Variants in XCR1 observed in about 807,000 individuals in gnomAD.
XCR1 encodes the protein chemokine XC receptor 1.
For synonymous variants in XCR1, 187 were observed against 188.5 expected, an observed-to-expected ratio of 0.99 and a Z score of 0.06; for missense variants, 356 against 424.2, an observed-to-expected ratio of 0.84 and a Z score of 1.41.
At chr3:46,036,600 A>G (rs372214984) in intron 5 of XCR1, among the ~76,000 whole-genome samples, 1 of 152,208 alleles carries the variant, frequency 6.6e-6, no homozygotes, top group Non-Finnish European at 1.5e-5. Context: ...AAAAATAGGA[A>G]TGTCTTAAGA....
chr3:46,056,053 T>G (rs1247016856), intron 4 of XCR1, among the ~76,000 whole-genome samples: 2 of 152,100 alleles, frequency 1.3e-5, no homozygotes, highest in Non-Finnish European at 1.5e-5. Context: ...AGATTGGGCT[T>G]GGGGTTGGGA....
upstream of XCR1, among the ~76,000 whole-genome samples, chr3:46,028,149 C>G (rs1224540404): frequency 6.6e-6 from 1 of 152,082 alleles, no homozygotes; most frequent in Non-Finnish European, 1.5e-5. Context: ...CTTAATAAAT[C>G]CAACTCTGCC....
At chr3:46,023,384 C>A (rs111644913) in intron 1 of XCR1, 2 of 1,451,334 alleles carry the variant, frequency 1.4e-6, no homozygotes, top group African/African-American at 2.8e-5. Context: ...TACGAAGAGG[C>A]GATTTCTTGT....
At chr3:46,075,322 A>C (rs1226993460) in intron 2 of XCR1, among the ~76,000 whole-genome samples, 1 of 150,738 alleles carries the variant, frequency 6.6e-6, no homozygotes, top group African/African-American at 2.4e-5. Context: ...AAAAAAAAAA[A>C]AAAAAAAACA....
At position 46,036,925 on chromosome 3, in the gene XCR1, A is replaced by G. The variant is rs543288208; in HGVS notation, c.-31-14947T>C. On this transcript the variant is annotated intron_variant, in intron 5 of 5. Coordinates refer to the XCR1 transcript ENST00000683768. The stretch of plus-strand genomic sequence containing the variant: ...AAGTAATCGAGATAAACTGCCAAAA[A>G]TAAATAAAAAATGTGAGTAAGTGCT... 2.0e-3 allele frequency among the ~76,000 whole-genome samples: 304 copies of G among 152,360 alleles called. 1 individual carries two copies. Among genetic ancestry groups the G allele is most frequent in the Middle Eastern group, 0.01 (3 of 294 alleles).
intron 5 of XCR1, among the ~76,000 whole-genome samples, chr3:46,053,447 G>C (rs970220196): frequency 2.6e-5 from 4 of 151,706 alleles, no homozygotes; most frequent in Admixed American, 6.6e-5. Context: ...TGGAGGGGGC[G>C]GTATAGGCCA....
Position 46,020,759 on chromosome 3 carries a change from C to T in XCR1, c.*187G>A, listed in dbSNP as rs556831511. On this transcript the variant is annotated 3_prime_UTR_variant, in exon 2 of 2. Transcript: ENST00000309285. Reference sequence around the variant, plus strand: ...AGTATAAAATTCCCAGGTAGGAAGCCACTTTCCCGCAGATGAGAGGCTGGC... The same window carrying T: ...AGTATAAAATTCCCAGGTAGGAAGCTACTTTCCCGCAGATGAGAGGCTGGC... The T allele has an allele frequency of 6.5e-4, 514 of 787,748 alleles. 3 individuals carry two copies. Among genetic ancestry groups the T allele is most frequent in the Middle Eastern group, 3.4e-3 (9 of 2,662 alleles). The allele number at this position is 787,748 out of a possible 1,614,324, so 48.8% of individuals were successfully genotyped here.
intron 3 of XCR1, among the ~76,000 whole-genome samples, chr3:46,071,895 T>G (rs1348765809): frequency 1.3e-5 from 2 of 152,002 alleles, no homozygotes; most frequent in Admixed American, 1.3e-4. Context: ...CTCCAAGAAC[T>G]GGAACAAGTC....
At chr3:46,054,685 G>C (rs1430324462) in intron 4 of XCR1, among the ~76,000 whole-genome samples, 3 of 152,144 alleles carry the variant, frequency 2.0e-5, no homozygotes, top group Non-Finnish European at 4.4e-5. Context: ...AGGTGCTGCA[G>C]CTGAGGAGAT....
At chr3:46,022,127 CCT>C (rs1186513345) in intron 1 of XCR1, 149 bp from the exon 2 acceptor site, 5 of 642,604 alleles carry the variant, frequency 7.8e-6, no homozygotes, top group Non-Finnish European at 1.3e-5. Flanking sequence ...TAGTGACACC[CCT>C]GTCTCTACAA....
Position 46,017,221 on chromosome 3 carries a change from G to A in XCR1, c.*3725C>T, listed in dbSNP as rs576667571. On this transcript the variant is annotated 3_prime_UTR_variant, in exon 2 of 2. Coordinates refer to ENST00000309285, the MANE Select transcript of XCR1 (RefSeq NM_001024644.2). ...CTTGAGAGGCCCAAGGTCACAGTGG[G>A]AAAGAGCTTGGATTTGGAGTTTAGG... The A allele has an allele frequency of 3.3e-5, 5 of 152,340 alleles. No homozygotes were observed. In the South Asian group the frequency reaches 1.0e-3, roughly 32 times the overall value. 9.4% of individuals were successfully genotyped at this position (152,340 alleles called of 1,614,324 possible).
At chr3:46,024,583 G>T (rs1708250343) in intron 1 of XCR1, among the ~76,000 whole-genome samples, 1 of 152,142 alleles carries the variant, frequency 6.6e-6, no homozygotes, top group Non-Finnish European at 1.5e-5. Context: ...CCGAGGGGCT[G>T]CCTTGTATTT....
At chr3:46,052,425 C>T (rs558578408) in intron 5 of XCR1, among the ~76,000 whole-genome samples, 2 of 152,290 alleles carry the variant, frequency 1.3e-5, no homozygotes, top group Admixed American at 1.3e-4. Context: ...ACTGATTAGC[C>T]CAGTGATTTC....
intron 5 of XCR1, among the ~76,000 whole-genome samples, chr3:46,049,262 A>G (rs922994341): frequency 2.6e-5 from 4 of 152,210 alleles, no homozygotes; most frequent in African/African-American, 7.2e-5. Context: ...GGCAAGTAGG[A>G]CAGGTTTGTG....
At chr3:46,038,776 T>C (rs1206346725) in intron 5 of XCR1, among the ~76,000 whole-genome samples, 2 of 152,200 alleles carry the variant, frequency 1.3e-5, no homozygotes, top group African/African-American at 4.8e-5. Flanking sequence ...CTGGAAAAAG[T>C]AGGTGAGAAT....
intron 5 of XCR1, among the ~76,000 whole-genome samples, chr3:46,032,783 G>A (rs77352951): frequency 0.036 from 5,542 of 152,282 alleles, 146 homozygotes; most frequent in Non-Finnish European, 0.054. Flanking sequence ...CCACATTCAC[G>A]TTAGCATTTG....
intron 4 of XCR1, among the ~76,000 whole-genome samples, chr3:46,056,136 C>G (rs1470065819): frequency 6.6e-6 from 1 of 152,202 alleles, no homozygotes; most frequent in Non-Finnish European, 1.5e-5. Flanking sequence ...TCCTACTGCT[C>G]TCAGAAATGT....
chr3:46,033,938 GT>G (rs1289976824), intron 5 of XCR1, among the ~76,000 whole-genome samples: 2 of 150,996 alleles, frequency 1.3e-5, no homozygotes, highest in African/African-American at 4.9e-5. Flanking sequence ...AAATGGTCTT[GT>G]TTTCAATTTC....
chr3:46,070,214 C>G (rs1488393536), intron 3 of XCR1, among the ~76,000 whole-genome samples: 1 of 152,024 alleles, frequency 6.6e-6, no homozygotes. Flanking sequence ...GATGATCTAT[C>G]TTGGAGAATG....
Sources: allele counts gnomAD v4.1 joint callset (sites outside exome capture counted in the v4.1 genomes callset), GRCh38; gene constraint gnomAD v4.1.1; transcripts MANE v1.5; gene names NCBI Gene and HGNC (gene_info 2026-07-23, HGNC 2026-07-21).